BCAR3: variants seen among roughly 807,000 people sequenced by gnomAD.
The protein encoded by BCAR3 is breast cancer anti-estrogen resistance protein 3.
Under a neutral mutation model 80.1 loss-of-function variants are expected in BCAR3, and 37 were observed. The ratio of observed to expected loss-of-function variants is 0.46; its 90% CI spans 0.36 to 0.61. The LOEUF is 0.61. Ranked by LOEUF, BCAR3 falls within the 20% of genes least tolerant of loss-of-function variation. The probability of loss-of-function intolerance (pLI) is 0.00; values close to 1 mark genes in which losing one functional copy is unlikely to be tolerated. For synonymous variants in BCAR3, 389 were observed against 418.9 expected, an observed-to-expected ratio of 0.93 and a Z score of 0.87; for missense variants, 978 against 1,068.2, an observed-to-expected ratio of 0.92 and a Z score of 1.18.
At chr1:93,641,549 C>A (rs138194192) in intron 3 of BCAR3, among the ~76,000 whole-genome samples, 1 of 152,238 alleles carries the variant, frequency 6.6e-6, no homozygotes, top group Non-Finnish European at 1.5e-5. Context: ...AACAGCAACA[C>A]TGGAAAATGC....
chr1:93,839,645 A>T (rs532063715), intron 2 of BCAR3, among the ~76,000 whole-genome samples: 19 of 152,364 alleles, frequency 1.2e-4, no homozygotes, highest in African/African-American at 4.6e-4. Flanking sequence ...CATTAGCAAT[A>T]TAACTTTTCT....
chr1:93,592,562 C>G lies in BCAR3; in HGVS notation c.358-169G>C. ...GAGCTGTGACCTTTCGTTTCTCCGG[C>G]CGCAACCATGTAATAAAATTTTCAC... On this transcript the variant is annotated intron_variant, in intron 3 of 11. Transcript: ENST00000260502. This position sits in a 1 kb window ranked among gnomAD's most constrained non-coding sequence, Gnocchi z 4.8. 3 of 888,980 alleles carry G rather than the reference C, an allele frequency of 3.4e-6. No individual in the cohort carries two copies. The allele number at this position is 888,980 out of a possible 1,614,324, so 55.1% of individuals were successfully genotyped here.
intron 3 of BCAR3, among the ~76,000 whole-genome samples, chr1:93,635,368 T>A (rs567078288): frequency 4.6e-5 from 7 of 152,272 alleles, no homozygotes; most frequent in Admixed American, 1.3e-4. Context: ...ACTATAAACA[T>A]GCATATAGAC....
At chr1:93,824,470 C>T (rs1654316513) in intron 2 of BCAR3, among the ~76,000 whole-genome samples, 2 of 132,900 alleles carry the variant, frequency 1.5e-5, no homozygotes, top group African/African-American at 5.1e-5. Context: ...CTTTCTTCTC[C>T]GTCCGAGAGG....
chr1:93,845,570 T>C (rs998993024), exon 2 of BCAR3: 1 of 148,646 alleles, frequency 6.7e-6, no homozygotes, highest in Non-Finnish European at 1.5e-5. Flanking sequence ...CACTTACTGT[T>C]TGGAGAAGCG....
chr1:93,620,577 C>T (rs1675276264), intron 3 of BCAR3, among the ~76,000 whole-genome samples: 11 of 152,116 alleles, frequency 7.2e-5, no homozygotes, highest in Admixed American at 7.2e-4. Flanking sequence ...GCCTTGGGAC[C>T]AAGCTAGTTG....
At chr1:93,684,041 T>C (rs1237857878), upstream of BCAR3, among the ~76,000 whole-genome samples, 1 of 152,214 alleles carries the variant, frequency 6.6e-6, no homozygotes, top group Non-Finnish European at 1.5e-5. Flanking sequence ...AATGAGTACC[T>C]TTCGCTTATG....
chr1:93,605,416 T>C (rs1469366871), intron 3 of BCAR3: 2 of 152,252 alleles, frequency 1.3e-5, no homozygotes, highest in African/African-American at 4.8e-5. Flanking sequence ...GGCTGGCACT[T>C]GGGTTAAAAG....
chr1:93,757,085 G>T (rs945241619), intron 2 of BCAR3, among the ~76,000 whole-genome samples: 1 of 152,226 alleles, frequency 6.6e-6, no homozygotes, highest in Non-Finnish European at 1.5e-5. Context: ...GTCTCTGCCG[G>T]TTGGGGTCTG....
At chr1:93,828,915 C>T (rs1320755767) in intron 2 of BCAR3, among the ~76,000 whole-genome samples, 1 of 152,132 alleles carries the variant, frequency 6.6e-6, no homozygotes, top group Non-Finnish European at 1.5e-5. Context: ...TGGTCTTGAA[C>T]TCCTGGGCTC....
chr1:93,790,634 A>ATTTTTTTTTTTTTTTTAT (rs67196746), intron 2 of BCAR3, among the ~76,000 whole-genome samples: 1 of 107,424 alleles, frequency 9.3e-6, no homozygotes. Flanking sequence ...TTTTGTATTC[A>ATTTTTTTTTTTTTTTTAT]TTTTTTTTTT....
At chr1:93,718,691 T>C (rs893369257) in intron 2 of BCAR3, among the ~76,000 whole-genome samples, 75 of 9,094 alleles carry the variant, frequency 8.2e-3, no homozygotes, top group Admixed American at 0.027. Context: ...TGTTTTTCTT[T>C]TTTTTTTTTT....
At chr1:93,564,729 A>C (rs1000793615) in intron 11 of BCAR3, among the ~76,000 whole-genome samples, 1 of 152,268 alleles carries the variant, frequency 6.6e-6, no homozygotes, top group Non-Finnish European at 1.5e-5. Flanking sequence ...TTTTTTGCAT[A>C]TGGATATCCA....
At chr1:93,614,416 T>C (rs1305602347) in intron 3 of BCAR3, among the ~76,000 whole-genome samples, 3 of 152,044 alleles carry the variant, frequency 2.0e-5, no homozygotes, top group African/African-American at 7.2e-5. Flanking sequence ...CAGGGTAAGT[T>C]GTACATTCAC....
At chr1:93,755,132 T>C (rs1651699507) in intron 2 of BCAR3, among the ~76,000 whole-genome samples, 1 of 152,050 alleles carries the variant, frequency 6.6e-6, no homozygotes, top group Non-Finnish European at 1.5e-5. Flanking sequence ...TTAACAAATA[T>C]GAATATAAAG....
chr1:93,653,836 T>A (rs550606789), intron 2 of BCAR3, among the ~76,000 whole-genome samples: 2 of 152,144 alleles, frequency 1.3e-5, no homozygotes, highest in African/African-American at 4.8e-5. Context: ...AGGAGAAGCA[T>A]GTGCAAAGAT....
intron 3 of BCAR3, among the ~76,000 whole-genome samples, chr1:93,617,567 G>A (rs1239203224): frequency 2.0e-5 from 3 of 152,172 alleles, no homozygotes; most frequent in Admixed American, 6.5e-5. Context: ...ACCAGTAATC[G>A]TGATCAGAAC....
intron 2 of BCAR3, among the ~76,000 whole-genome samples, chr1:93,845,161 C>T (rs1180893299): frequency 6.6e-6 from 1 of 151,896 alleles, no homozygotes; most frequent in Non-Finnish European, 1.5e-5. Flanking sequence ...CACTTAATCA[C>T]GTCAATGACT....
intron 3 of BCAR3, among the ~76,000 whole-genome samples, chr1:93,621,416 T>G (rs375874409): frequency 1.6e-4 from 25 of 152,246 alleles, no homozygotes; most frequent in African/African-American, 5.5e-4. Context: ...TTACCCAATT[T>G]CAAAGAGTCA....
Sources: allele counts gnomAD v4.1 joint callset (sites outside exome capture counted in the v4.1 genomes callset), GRCh38; gene constraint gnomAD v4.1.1; non-coding constraint Gnocchi (gnomAD v3.1); transcripts MANE v1.5; gene names NCBI Gene and HGNC (gene_info 2026-07-23, HGNC 2026-07-21).